Variants in AXDND1 observed in about 807,000 individuals in gnomAD.
The protein encoded by AXDND1 is axonemal dynein light chain domain-containing protein 1.
In AXDND1, 110 loss-of-function variants were observed where a neutral mutation model predicts 137.5. The ratio of observed to expected loss-of-function variants is 0.80; its 90% confidence interval spans 0.69 to 0.94. The LOEUF is 0.94. Among genes scored for constraint, AXDND1 ranks in the 40% least tolerant of loss-of-function variants. The pLI is 0.00. For synonymous variants in AXDND1, 414 were observed against 399.7 expected (o/e 1.04, Z -0.43); for missense variants, 1,191 against 1,169.8 (o/e 1.02, Z -0.26).
intron 10 of AXDND1, among the ~76,000 whole-genome samples, chr1:179,394,754 A>G (rs1321704126): frequency 6.6e-6 from 1 of 152,254 alleles, no homozygotes; most frequent in South Asian, 2.1e-4. Flanking sequence ...TTGAAGCAAG[A>G]TGGTTAGTGG....
intron 18 of AXDND1, among the ~76,000 whole-genome samples, chr1:179,486,471 T>C (rs1666097215): frequency 2.4e-5 from 3 of 125,580 alleles, no homozygotes; most frequent in Admixed American, 2.2e-4. Flanking sequence ...ATTCAGGAAA[T>C]GCAGAGAGCC....
intron 8 of AXDND1, 101 bp from the exon 9 acceptor site, chr1:179,385,134 TCAA>T (rs1176037823): frequency 1.1e-6 from 1 of 913,726 alleles, no homozygotes; most frequent in Non-Finnish European, 1.7e-6. Context: ...AATAAATTAA[TCAA>T]CGTGTTTCTA....
In AXDND1 at chr1:179,397,944, C is replaced by T. The variant is rs369021733; in HGVS notation, c.1109+2742C>T. On this transcript the variant is annotated intron_variant, in intron 11 of 25. Transcript: ENST00000367618. Reference sequence around the variant, plus strand: ...ATTGGGTTTCAGCATACTCCTGCATCTTAATGATCTTCATTCCTATCCATA... The same window carrying T: ...ATTGGGTTTCAGCATACTCCTGCATTTTAATGATCTTCATTCCTATCCATA... Among the ~76,000 whole-genome samples the T allele has an allele frequency of 5.4e-4, 82 of 152,280 alleles. 2 individuals are homozygous for T. In the South Asian group the frequency reaches 0.016, roughly 30 times the overall value.
rs187243119 is a variant in AXDND1 at position 179,468,137 on chromosome 1, A to C, written c.1799-306A>C. ...TGTAGTGAATTAAGGTCTTTTACAG[A>C]AAACTATAGTTGATAGTTTCTGGGT... On this transcript the variant is annotated intron_variant, in intron 16 of 25. Transcript: ENST00000367618. Among the ~76,000 whole-genome samples, 367 of 152,322 alleles carry C rather than the reference A, an allele frequency of 2.4e-3. 6 individuals carry two copies. Among genetic ancestry groups the C allele is most frequent in the Admixed American group, 0.014 (207 of 15,300 alleles).
In AXDND1 at chr1:179,469,554, C is replaced by T. The variant is rs563678727; in HGVS notation, c.1997+913C>T. Reference sequence around the variant, plus strand: ...CACCTAAGGAGTGGAATTGCTGGATCATATGGCAATTCTATTTTTAATAAT... The same window carrying T: ...CACCTAAGGAGTGGAATTGCTGGATTATATGGCAATTCTATTTTTAATAAT... On this transcript the variant is annotated intron_variant, in intron 17 of 25. Coordinates refer to ENST00000367618, the MANE Select transcript of AXDND1 (RefSeq NM_144696.6). Among the ~76,000 whole-genome samples the T allele has an allele frequency of 5.3e-5, 8 of 152,242 alleles. No homozygotes were observed. The South Asian group carries it at 1.7e-3, about 32-fold the overall frequency.
chr1:179,507,372 C>T (rs11582158), intron 20 of AXDND1, among the ~76,000 whole-genome samples: 30,725 of 152,032 alleles, frequency 0.2, 3,244 homozygotes, highest in Non-Finnish European at 0.23. Context: ...ACAGTATCTC[C>T]AATGTCTCAG....
intron 25 of AXDND1, among the ~76,000 whole-genome samples, chr1:179,541,479 GT>G (rs772571440): frequency 0.017 from 2,442 of 139,742 alleles, 56 homozygotes; most frequent in African/African-American, 0.057. Flanking sequence ...ATCCGTTTTT[GT>G]TTTTTTTTTT....
chr1:179,424,780 C>A (rs1656316414), intron 12 of AXDND1, among the ~76,000 whole-genome samples: 1 of 152,080 alleles, frequency 6.6e-6, no homozygotes, highest in Admixed American at 6.5e-5. Context: ...GTACAAGTAG[C>A]CTGTATTTGG....
chr1:179,515,357 C>G (rs1572140892), intron 21 of AXDND1, among the ~76,000 whole-genome samples: 1 of 152,076 alleles, frequency 6.6e-6, no homozygotes, highest in Non-Finnish European at 1.5e-5. Context: ...ATACAAAATT[C>G]TTGGCTGATA....
In AXDND1 at chr1:179,466,282, C is replaced by CTTTTTT. The variant is rs1491121382; in HGVS notation, c.1799-2159_1799-2158insTTTTTT. 1.5e-3 allele frequency among the ~76,000 whole-genome samples: 146 copies of CTTTTTT among 95,628 alleles called. 3 individuals are homozygous for CTTTTTT. The highest frequency in any genetic ancestry group is 3.8e-3 in the East Asian group (11 of 2,874). 62.7% of individuals were successfully genotyped at this position (95,628 alleles called of 152,430 possible). On this transcript the variant is annotated intron_variant, in intron 16 of 25. Coordinates refer to ENST00000367618, the MANE Select transcript of AXDND1 (RefSeq NM_144696.6). Reference sequence around the variant, plus strand: ...TTTCTTTTCTTTCTTTCTTCTTCTTCTTCTTTTTTTTTTTTTTTTTTGAGA... The same window carrying CTTTTTT: ...TTTCTTTTCTTTCTTTCTTCTTCTTCTTTTTTTTCTTTTTTTTTTTTTTTTTTGAGA...
At chr1:179,413,526 AC>A (rs1467496397) in intron 12 of AXDND1, among the ~76,000 whole-genome samples, 3 of 152,298 alleles carry the variant, frequency 2.0e-5, no homozygotes, top group Non-Finnish European at 4.4e-5. Context: ...GAGTTTTTTC[AC>A]TTAAGATAAT....
intron 15 of AXDND1, among the ~76,000 whole-genome samples, chr1:179,442,041 A>C (rs1185089157): frequency 1.3e-5 from 2 of 152,172 alleles, no homozygotes; most frequent in African/African-American, 4.8e-5. Context: ...ACTCTAGTGG[A>C]GTGTGTTCAT....
chr1:179,464,463 A>G (rs1398984873), intron 16 of AXDND1, among the ~76,000 whole-genome samples: 1 of 152,174 alleles, frequency 6.6e-6, no homozygotes, highest in Admixed American at 6.5e-5. Flanking sequence ...TCTGGCTTGT[A>G]GAGCTTCTGC....
In AXDND1 at chr1:179,531,103, G is replaced by A. The variant is rs1377776757; in HGVS notation, c.2715+2672G>A. ...GTTGGGGATGCAATCATGGGGTATG[G>A]AAAATGGTCCTCATGCACTGAGTCC... On this transcript the variant is annotated intron_variant, in intron 23 of 25. Transcript: ENST00000367618. Among the ~76,000 whole-genome samples the A allele has an allele frequency of 2.0e-5, 3 of 152,068 alleles. No homozygotes were observed. In the East Asian group the frequency reaches 5.8e-4, roughly 29 times the overall value.
intron 12 of AXDND1, among the ~76,000 whole-genome samples, chr1:179,425,794 A>ATG (rs10610386): frequency 3.8e-4 from 47 of 124,582 alleles, no homozygotes; most frequent in African/African-American, 1.2e-3. Flanking sequence ...TGTCTCACAT[A>ATG]TGTGTGTGTG....
chr1:179,442,493 C>A (rs1429543600), intron 15 of AXDND1, among the ~76,000 whole-genome samples: 1 of 152,158 alleles, frequency 6.6e-6, no homozygotes, highest in South Asian at 2.1e-4. Flanking sequence ...ATGGGTTATG[C>A]GTAATAACCT....
intron 11 of AXDND1, among the ~76,000 whole-genome samples, chr1:179,409,998 A>G (rs192169672): frequency 1.1e-4 from 17 of 151,858 alleles, no homozygotes; most frequent in Non-Finnish European, 2.1e-4. Context: ...TTCTCTTTTG[A>G]TAATTGAGGT....
At chr1:179,500,210 T>TG (rs1374513494) in intron 20 of AXDND1, among the ~76,000 whole-genome samples, 2 of 152,024 alleles carry the variant, frequency 1.3e-5, no homozygotes, top group Non-Finnish European at 2.9e-5. Context: ...AATTTTGTTC[T>TG]AGGAATGCAA....
intron 11 of AXDND1, 39 bp from the exon 12 acceptor site, chr1:179,411,107 T>C (rs774501315): frequency 6.8e-7 from 1 of 1,460,170 alleles, no homozygotes; most frequent in South Asian, 1.3e-5. Flanking sequence ...ATATTGTTAG[T>C]ATAAATTAAA....
Sources: gnomAD v4.1 joint callset for allele counts (sites outside exome capture counted in the v4.1 genomes callset) on GRCh38, gnomAD v4.1.1 for gene constraint, MANE v1.5 for transcripts, NCBI Gene and HGNC (gene_info 2026-07-23, HGNC 2026-07-21) for gene names.